Variants in SHROOM3 observed in about 807,000 individuals in gnomAD.
The protein encoded by SHROOM3 is shroom family member 3.
SHROOM3 carries 47 observed loss-of-function variants against 138.6 expected under a neutral mutation model. The ratio of observed to expected loss-of-function variants is 0.34; its 90% CI spans 0.27 to 0.43. The LOEUF is 0.43. Ranked by LOEUF, SHROOM3 falls within the 20% of genes least tolerant of loss-of-function variation. SHROOM3 has a pLI of 1.00. For synonymous variants in SHROOM3, 1,062 were observed against 1,063.3 expected, an observed-to-expected ratio of 1.00 and a Z score of 0.02; for missense variants, 2,491 against 2,596.5, an observed-to-expected ratio of 0.96 and a Z score of 0.88.
At chr4:76,515,531 A>G (rs1039826851) in intron 1 of SHROOM3, among the ~76,000 whole-genome samples, 13 of 152,068 alleles carry the variant, frequency 8.5e-5, no homozygotes, top group African/African-American at 1.4e-4. Flanking sequence ...TATTATTATT[A>G]TTTCCTTTAG....
intron 2 of SHROOM3, among the ~76,000 whole-genome samples, chr4:76,611,098 T>C (rs1734751511): frequency 6.6e-6 from 1 of 152,230 alleles, no homozygotes. Context: ...ATTTTAACCA[T>C]TTTAAGTGTA....
intron 2 of SHROOM3, among the ~76,000 whole-genome samples, chr4:76,663,076 G>A (rs1003829485): frequency 2.0e-5 from 3 of 152,174 alleles, no homozygotes; most frequent in Admixed American, 2.0e-4. Context: ...ATCCTATAAG[G>A]GGACTTTGCG....
intron 2 of SHROOM3, among the ~76,000 whole-genome samples, chr4:76,641,380 A>G (rs1735663486): frequency 6.6e-6 from 1 of 152,018 alleles, no homozygotes; most frequent in African/African-American, 2.4e-5. Context: ...CACCTGTTTC[A>G]CCCCTCCCAG....
chr4:76,633,675 A>G (rs1230663179), intron 2 of SHROOM3, among the ~76,000 whole-genome samples: 3 of 99,236 alleles, frequency 3.0e-5, no homozygotes, highest in Middle Eastern at 4.5e-3. Context: ...AAAAAAAAAA[A>G]AAAGAAAAGA....
chr4:76,478,599 A>G (rs372214335), intron 1 of SHROOM3, among the ~76,000 whole-genome samples: 1 of 152,214 alleles, frequency 6.6e-6, no homozygotes, highest in Non-Finnish European at 1.5e-5. Flanking sequence ...AGAGAGCAGC[A>G]GATCTCCCAG....
intron 2 of SHROOM3, among the ~76,000 whole-genome samples, chr4:76,602,290 A>G (rs992513127): frequency 2.0e-5 from 3 of 152,210 alleles, no homozygotes; most frequent in Non-Finnish European, 4.4e-5. Context: ...AAAAAATTAC[A>G]AAGTCCTGTA....
Position 76,762,411 on chromosome 4 carries a change from C to G in SHROOM3, c.5349+2716C>G, listed in dbSNP as rs558361482. Among the ~76,000 whole-genome samples, 10 of 152,288 alleles carry G rather than the reference C, an allele frequency of 6.6e-5. No individual in the cohort carries two copies. In the South Asian group the frequency reaches 2.1e-3, roughly 32 times the overall value. On this transcript the variant is annotated intron_variant, in intron 9 of 10. Coordinates refer to ENST00000296043, the MANE Select transcript of SHROOM3 (RefSeq NM_020859.4). ...GGCACTTTCCTAAATCAGACTCTTA[C>G]GAGGAAAAACAGCTCACATTTGTTT...
At chr4:76,652,508 T>G (rs1480174826) in intron 2 of SHROOM3, among the ~76,000 whole-genome samples, 1 of 152,170 alleles carries the variant, frequency 6.6e-6, no homozygotes, top group African/African-American at 2.4e-5. Context: ...AAACATGTAT[T>G]ATAGGTTACA....
chr4:76,763,720 T>C (rs1022694546), intron 9 of SHROOM3, among the ~76,000 whole-genome samples: 6 of 152,206 alleles, frequency 3.9e-5, no homozygotes, highest in African/African-American at 1.4e-4. Flanking sequence ...CATATGACAA[T>C]GGAGAACCCT....
At chr4:76,473,880 G>C (rs936252493) in intron 1 of SHROOM3, among the ~76,000 whole-genome samples, 1 of 152,146 alleles carries the variant, frequency 6.6e-6, no homozygotes, top group African/African-American at 2.4e-5. Flanking sequence ...ATGTAAAATG[G>C]TATAGTTGCT....
intron 3 of SHROOM3, among the ~76,000 whole-genome samples, chr4:76,722,098 C>T (rs1225125717): frequency 6.6e-6 from 1 of 152,082 alleles, no homozygotes; most frequent in Non-Finnish European, 1.5e-5. Context: ...CATGCCACTG[C>T]ACTCCAGCTT....
intron 2 of SHROOM3, among the ~76,000 whole-genome samples, chr4:76,576,628 T>TA (rs1438347542): frequency 1.3e-5 from 2 of 152,080 alleles, no homozygotes; most frequent in African/African-American, 2.4e-5. Flanking sequence ...ATTGTACATT[T>TA]AAAAATAACT....
intron 1 of SHROOM3, among the ~76,000 whole-genome samples, chr4:76,454,537 C>G (rs1730988853): frequency 6.6e-6 from 1 of 152,090 alleles, no homozygotes. Flanking sequence ...GTCTGTATGC[C>G]GTTATAACAC....
In SHROOM3 at chr4:76,596,581, A is replaced by AACACACACACAC. The variant is rs58214296; in HGVS notation, c.323+40851_323+40862dup. Among the ~76,000 whole-genome samples the AACACACACACAC allele has an allele frequency of 6.7e-3, 931 of 138,194 alleles. 9 individuals carry two copies. The highest frequency in any genetic ancestry group is 0.018 in the East Asian group (82 of 4,590). The allele number at this position is 138,194 out of a possible 152,430, so 90.7% of individuals were successfully genotyped here. ...ATAGGTAGGTAGATAGGTACAGAGA[A>AACACACACACAC]ACACACACACACACACACACACACA... On this transcript the variant is annotated intron_variant, in intron 2 of 10. Transcript: ENST00000296043.
chr4:76,693,385 T>TTTTTTG lies in SHROOM3; in HGVS notation c.324-16766_324-16765insGTTTTT, dbSNP rs1719623427. Reference sequence around the variant, plus strand: ...TGATAAGTTTGTTTTTTTTTTTTTTTTTTTTTTTAAAGCAACAAGACAGAG... The same window carrying TTTTTTG: ...TGATAAGTTTGTTTTTTTTTTTTTTTTTTTTGTTTTTTTTAAAGCAACAAGACAGAG... On this transcript the variant is annotated intron_variant, in intron 2 of 10. Transcript: ENST00000296043. 8.2e-5 allele frequency among the ~76,000 whole-genome samples: 10 copies of TTTTTTG among 122,602 alleles called. 1 individual carries two copies. The highest frequency in any genetic ancestry group is 3.3e-4 in the East Asian group (1 of 3,004). 80.4% of individuals were successfully genotyped at this position (122,602 alleles called of 152,430 possible).
intron 9 of SHROOM3, among the ~76,000 whole-genome samples, chr4:76,760,351 G>A (rs976754609): frequency 6.6e-6 from 1 of 152,194 alleles, no homozygotes; most frequent in African/African-American, 2.4e-5. Flanking sequence ...AAACTGGGCT[G>A]TGTCTGCAGG....
At chr4:76,501,104 C>T (rs1327839558) in intron 1 of SHROOM3, among the ~76,000 whole-genome samples, 3 of 152,276 alleles carry the variant, frequency 2.0e-5, no homozygotes, top group African/African-American at 7.2e-5. Context: ...AGGTGTGAGC[C>T]ACTGTGCATG....
chr4:76,654,213 G>A (rs1406305469), intron 2 of SHROOM3, among the ~76,000 whole-genome samples: 4 of 152,138 alleles, frequency 2.6e-5, no homozygotes, highest in Non-Finnish European at 5.9e-5. Flanking sequence ...ACGTCGAAGT[G>A]TAAGATAAGA....
chr4:76,605,185 A>G (rs1054709728), intron 2 of SHROOM3, among the ~76,000 whole-genome samples: 1 of 152,236 alleles, frequency 6.6e-6, no homozygotes, highest in Admixed American at 6.5e-5. Context: ...GCCCTATTTC[A>G]TGATGACTTC....
Sources: allele counts gnomAD v4.1 joint callset (sites outside exome capture counted in the v4.1 genomes callset), GRCh38; gene constraint gnomAD v4.1.1; transcripts MANE v1.5; gene names NCBI Gene and HGNC (gene_info 2026-07-23, HGNC 2026-07-21).